Variants in UBE2L3 observed in about 807,000 individuals in gnomAD.
The protein encoded by UBE2L3 is ubiquitin-conjugating enzyme E2 L3.
A neutral mutation model predicts 17.8 loss-of-function variants in UBE2L3; 1 was observed. That is an observed-to-expected ratio of 0.06 (90% CI 0.02 to 0.27). The LOEUF (loss-of-function observed/expected upper bound fraction) is 0.27. UBE2L3 is among the 10% of genes least tolerant of loss of function. UBE2L3 has a pLI of 1.00. For synonymous variants in UBE2L3, 44 were observed against 68.5 expected, an observed-to-expected ratio of 0.64 and a Z score of 1.76; for missense variants, 40 against 192.6, an observed-to-expected ratio of 0.21 and a Z score of 4.69.
intron 3 of UBE2L3, among the ~76,000 whole-genome samples, chr22:21,618,343 T>A (rs2148449389): frequency 6.6e-6 from 1 of 152,122 alleles, no homozygotes; most frequent in Non-Finnish European, 1.5e-5. Flanking sequence ...GGCAGGTGGA[T>A]CACGAGGTCA....
intron 1 of UBE2L3, among the ~76,000 whole-genome samples, chr22:21,556,621 T>A (rs1263407636): frequency 7.1e-6 from 1 of 141,516 alleles, no homozygotes; most frequent in Admixed American, 6.7e-5. Context: ...TTTCTTTTTT[T>A]TTTTTGTATT....
At chr22:21,617,608 A>G (rs534106000) in intron 3 of UBE2L3, among the ~76,000 whole-genome samples, 174 of 152,240 alleles carry the variant, frequency 1.1e-3, no homozygotes, top group African/African-American at 3.5e-3. Flanking sequence ...AGAAAAAAAA[A>G]GTACTTCTGA....
chr22:21,598,209 G>T (rs1291603185), intron 2 of UBE2L3, among the ~76,000 whole-genome samples: 1 of 151,664 alleles, frequency 6.6e-6, no homozygotes, highest in Admixed American at 6.6e-5. Flanking sequence ...GTGTGTGTGT[G>T]TTTTTCATTT....
chr22:21,598,622 G>T (rs1024539068), intron 2 of UBE2L3, among the ~76,000 whole-genome samples: 1 of 150,508 alleles, frequency 6.6e-6, no homozygotes, highest in African/African-American at 2.4e-5. Flanking sequence ...ATGTTGGGAG[G>T]CTGGGGTGGA....
At chr22:21,577,828 G>A (rs193275728) in intron 1 of UBE2L3, among the ~76,000 whole-genome samples, 35 of 152,250 alleles carry the variant, frequency 2.3e-4, no homozygotes, top group African/African-American at 7.5e-4. Context: ...TAGGCAGAGC[G>A]GGGAACATTC....
In UBE2L3 at chr22:21,599,293, C is replaced by T. The variant is rs531907809; in HGVS notation, c.123+6337C>T. Among the ~76,000 whole-genome samples, 11 of 152,260 alleles carry T rather than the reference C, an allele frequency of 7.2e-5. No individual in the cohort carries two copies. In the South Asian group the frequency reaches 2.1e-3, roughly 29 times the overall value. ...CTTTTCTGCTTCCTGCTAATTGTGC[C>T]ACTCTGCCTTCTCTCTCCCCTACTT... On this transcript the variant is annotated intron_variant, in intron 2 of 3. Coordinates refer to ENST00000342192, the MANE Select transcript of UBE2L3 (RefSeq NM_003347.4).
chr22:21,590,293 G>A (rs553576454), intron 1 of UBE2L3, among the ~76,000 whole-genome samples: 80 of 152,242 alleles, frequency 5.3e-4, no homozygotes, highest in African/African-American at 1.7e-3. Context: ...TGCCTCCCGG[G>A]TTCGAGCGAT....
At chr22:21,583,730 G>A (rs1453463876) in intron 1 of UBE2L3, among the ~76,000 whole-genome samples, 2 of 152,154 alleles carry the variant, frequency 1.3e-5, no homozygotes, top group African/African-American at 4.8e-5. Flanking sequence ...CCCGAGTCAG[G>A]GGGGCTTAGA....
At chr22:21,558,366 C>T (rs1926311998) in intron 1 of UBE2L3, among the ~76,000 whole-genome samples, 1 of 152,278 alleles carries the variant, frequency 6.6e-6, no homozygotes, top group Non-Finnish European at 1.5e-5. Flanking sequence ...GGCGCAGTGG[C>T]TTACGCCTGT....
intron 1 of UBE2L3, among the ~76,000 whole-genome samples, chr22:21,554,779 C>CT (rs1034060048): frequency 2.0e-4 from 29 of 146,784 alleles, no homozygotes; most frequent in African/African-American, 5.2e-4. Flanking sequence ...GAGATGGTTT[C>CT]TTTTTTTTTT....
At chr22:21,571,510 G>A (rs1926963820) in intron 1 of UBE2L3, among the ~76,000 whole-genome samples, 1 of 152,142 alleles carries the variant, frequency 6.6e-6, no homozygotes, top group Non-Finnish European at 1.5e-5. Flanking sequence ...CCAGGTTCAA[G>A]CGATTCTCCT....
intron 1 of UBE2L3, among the ~76,000 whole-genome samples, chr22:21,580,151 T>C (rs865840264): frequency 1.3e-5 from 2 of 152,262 alleles, no homozygotes; most frequent in Admixed American, 6.5e-5. Flanking sequence ...TGTCCGTTTC[T>C]AATGGGAGCA....
At chr22:21,572,668 C>G (rs1927045882) in intron 1 of UBE2L3, among the ~76,000 whole-genome samples, 1 of 151,864 alleles carries the variant, frequency 6.6e-6, no homozygotes, top group Non-Finnish European at 1.5e-5. Context: ...TGCACACACA[C>G]TGCACACACT....
chr22:21,599,183 C>T (rs183070339), intron 2 of UBE2L3, among the ~76,000 whole-genome samples: 200 of 152,226 alleles, frequency 1.3e-3, no homozygotes, highest in Non-Finnish European at 2.5e-3. Flanking sequence ...ATGCCTCATT[C>T]CTCCTTTCTG....
intron 1 of UBE2L3, among the ~76,000 whole-genome samples, chr22:21,570,702 GTTTT>G (rs147279444): frequency 5.4e-5 from 8 of 149,326 alleles, no homozygotes; most frequent in Non-Finnish European, 1.0e-4. Flanking sequence ...GTTTAAGACT[GTTTT>G]TTTTTTCTTT....
intron 3 of UBE2L3, among the ~76,000 whole-genome samples, chr22:21,620,457 C>T (rs1457998624): frequency 6.6e-6 from 1 of 152,054 alleles, no homozygotes; most frequent in East Asian, 1.9e-4. Flanking sequence ...GTGGCATCAG[C>T]AGTTCGGAGA....
At position 21,611,106 on chromosome 22, in the gene UBE2L3, G is replaced by A. The variant is rs1054130716; in HGVS notation, c.310+63G>A. On this transcript the variant is annotated intron_variant, in intron 3 of 3. Coordinates refer to ENST00000342192, the MANE Select transcript of UBE2L3 (RefSeq NM_003347.4). ...TTGGGGGTGCTGCTCTGGGGTGGGG[G>A]CTTCTGGTACCAGATCAGACAGAAT... is the stretch of plus-strand genomic sequence containing the variant. 18 of 1,475,838 alleles carry A rather than the reference G, an allele frequency of 1.2e-5. No individual in the cohort carries two copies. In the Admixed American group the frequency reaches 4.6e-4, roughly 38 times the overall value. The allele number at this position is 1,475,838 out of a possible 1,614,324, so 91.4% of individuals were successfully genotyped here. A position where few individuals can be genotyped will look rare whatever the true frequency, so the allele number is the denominator to read the frequency against.
intron 1 of UBE2L3, chr22:21,568,426 G>A (rs371082084): frequency 1.0e-6 from 1 of 985,152 alleles, no homozygotes; most frequent in African/African-American, 1.7e-5. Flanking sequence ...ATCGCGGCGC[G>A]GTTCTGCTTC....
intron 1 of UBE2L3, among the ~76,000 whole-genome samples, chr22:21,577,838 C>G (rs1411174470): frequency 6.6e-6 from 1 of 152,202 alleles, no homozygotes; most frequent in Non-Finnish European, 1.5e-5. Context: ...GGGGAACATT[C>G]TCTTTTGACA....
Sources: gnomAD v4.1 joint callset for allele counts (sites outside exome capture counted in the v4.1 genomes callset) on GRCh38, gnomAD v4.1.1 for gene constraint, MANE v1.5 for transcripts, NCBI Gene and HGNC (gene_info 2026-07-23, HGNC 2026-07-21) for gene names.